The following KCNMA1 variants were observed in gnomAD, a reference collection of about 807,000 sequenced individuals.
KCNMA1 encodes the protein Calcium-activated potassium channel subunit alpha-1.
In KCNMA1, 29 loss-of-function variants were observed where a neutral mutation model predicts 140.0. The observed-to-expected ratio is 0.21, with a 90% CI of 0.15 to 0.28. The LOEUF (loss-of-function observed/expected upper bound fraction) is 0.28, where lower values mean the gene tolerates loss of function less well. KCNMA1 is among the 10% of genes least tolerant of loss of function. KCNMA1 has a pLI of 1.00. For missense variants in KCNMA1, 880 were observed against 1,602.2 expected (o/e 0.55, Z 7.70); for synonymous variants, 612 against 611.9 (o/e 1.00, Z 0.00).
At chr10:77,634,147 G>A in intron 1 of KCNMA1, 1 of 985,274 alleles carries the variant, frequency 1.0e-6, no homozygotes, top group South Asian at 4.7e-5. Context: ...CAGGCTACCA[G>A]AGCAGCTCCC....
chr10:77,456,120 G>T (rs557804975), intron 1 of KCNMA1, among the ~76,000 whole-genome samples: 2 of 152,274 alleles, frequency 1.3e-5, no homozygotes, highest in South Asian at 4.1e-4. Context: ...ATTCTCCCAG[G>T]GAAGCAAGAA....
At chr10:76,980,876 G>A (rs888384135) in intron 19 of KCNMA1, among the ~76,000 whole-genome samples, 46 of 152,262 alleles carry the variant, frequency 3.0e-4, no homozygotes, top group Admixed American at 7.9e-4. Flanking sequence ...AACCACACAG[G>A]TCTTAAAGCC....
At chr10:77,386,267 C>T (rs2095599938) in intron 2 of KCNMA1, among the ~76,000 whole-genome samples, 2 of 152,226 alleles carry the variant, frequency 1.3e-5, no homozygotes, top group East Asian at 1.9e-4. Flanking sequence ...TCCTGGCCAC[C>T]TCAAATGCAA....
intron 1 of KCNMA1, among the ~76,000 whole-genome samples, chr10:77,559,888 C>A (rs1488747040): frequency 6.6e-6 from 1 of 152,056 alleles, no homozygotes; most frequent in Non-Finnish European, 1.5e-5. Context: ...TTTAAAACTG[C>A]AGGTTATGGC....
intron 5 of KCNMA1, among the ~76,000 whole-genome samples, chr10:77,168,082 T>C (rs1160689151): frequency 6.6e-6 from 1 of 152,182 alleles, no homozygotes; most frequent in African/African-American, 2.4e-5. Flanking sequence ...GGTAGGGCTT[T>C]TAAACATTTC....
chr10:77,079,753 C>T, intron 12 of KCNMA1: 1 of 617,512 alleles, frequency 1.6e-6, no homozygotes, highest in African/African-American at 1.8e-5. Context: ...TTTCACTGGA[C>T]AAGCCCAGCA....
At chr10:76,991,464 C>A (rs1356216982) in intron 19 of KCNMA1, among the ~76,000 whole-genome samples, 1 of 152,150 alleles carries the variant, frequency 6.6e-6, no homozygotes, top group Non-Finnish European at 1.5e-5. Context: ...TTTCTTACTA[C>A]ATTTTTCCCT....
intron 21 of KCNMA1, among the ~76,000 whole-genome samples, chr10:76,950,636 T>C (rs920392076): frequency 2.6e-5 from 4 of 152,218 alleles, no homozygotes; most frequent in African/African-American, 9.6e-5. Context: ...TAATGTCCAC[T>C]GTACATATCA....
At chr10:77,262,588 G>A (rs2062319802) in intron 2 of KCNMA1, among the ~76,000 whole-genome samples, 2 of 152,068 alleles carry the variant, frequency 1.3e-5, no homozygotes, top group Admixed American at 6.6e-5. Context: ...TGGTCATGGG[G>A]GTGGATCCCT....
At chr10:77,196,799 C>T (rs2040636966) in intron 3 of KCNMA1, among the ~76,000 whole-genome samples, 1 of 152,150 alleles carries the variant, frequency 6.6e-6, no homozygotes, top group South Asian at 2.1e-4. Context: ...CTAGGATTAT[C>T]ACAGCTTGGA....
intron 14 of KCNMA1, among the ~76,000 whole-genome samples, chr10:77,065,424 A>G (rs1376041087): frequency 1.3e-5 from 2 of 152,218 alleles, no homozygotes; most frequent in Non-Finnish European, 2.9e-5. Context: ...GAAGTGGGAC[A>G]TCTACTCTCT....
At chr10:77,546,563 T>G (rs532277411) in intron 1 of KCNMA1, among the ~76,000 whole-genome samples, 2 of 152,290 alleles carry the variant, frequency 1.3e-5, no homozygotes, top group East Asian at 3.9e-4. Flanking sequence ...TCTGAAAAAT[T>G]TCACACAAGG....
rs2093893394 is a variant in KCNMA1, at chr10:77,637,561, T to G, written c.82A>C (p.Asn28His). ...GGGSSLRMSS[N>H]IHANHLSLDA... ...AGGCTGAGATGGTTCGCGTGGATATTGCTACTCATTCTAAGACTGCTGCCT... is the reference window on the plus strand; with the variant it reads ...AGGCTGAGATGGTTCGCGTGGATATGGCTACTCATTCTAAGACTGCTGCCT... The change falls in exon 1 of 28, where the codon AAT (asparagine) becomes CAT (histidine). Residue 28 changes from asparagine (N) to histidine (H), a missense_variant. Physicochemically the swap from Asn to His is moderately conservative, Grantham distance 68. Transcript: ENST00000286628. The G allele has an allele frequency of 1.3e-6, 2 of 1,542,450 alleles. No homozygotes were observed. The highest frequency in any genetic ancestry group is 1.7e-6 in the Non-Finnish European group (2 of 1,144,290).
At chr10:77,431,947 C>T (rs1331120066) in intron 1 of KCNMA1, among the ~76,000 whole-genome samples, 8 of 151,856 alleles carry the variant, frequency 5.3e-5, no homozygotes, top group African/African-American at 1.9e-4. Context: ...GAGCCAAGAT[C>T]GTGCCACTGC....
intron 1 of KCNMA1, among the ~76,000 whole-genome samples, chr10:77,425,245 G>A (rs770546450): frequency 1.6e-4 from 24 of 152,194 alleles, no homozygotes; most frequent in South Asian, 1.0e-3. Flanking sequence ...TAACATTGTA[G>A]TCACTCCAAA....
intron 5 of KCNMA1, among the ~76,000 whole-genome samples, chr10:77,169,865 G>A (rs146853585): frequency 7.9e-4 from 121 of 152,304 alleles, no homozygotes; most frequent in African/African-American, 2.8e-3. Context: ...CCACACTAGT[G>A]TTTGGCATTT....
At chr10:77,574,628 T>C (rs1459699549) in intron 1 of KCNMA1, among the ~76,000 whole-genome samples, 1 of 152,228 alleles carries the variant, frequency 6.6e-6, no homozygotes, top group Non-Finnish European at 1.5e-5. Flanking sequence ...CTAGGGCATT[T>C]ATCTAATCTC....
At chr10:77,449,612 T>C (rs2097589449) in intron 1 of KCNMA1, among the ~76,000 whole-genome samples, 1 of 151,514 alleles carries the variant, frequency 6.6e-6, no homozygotes, top group African/African-American at 2.4e-5. Context: ...TTTTATTTCA[T>C]TTCACTTTTT....
chr10:77,357,631 T>A (rs1407202549), intron 2 of KCNMA1, among the ~76,000 whole-genome samples: 1 of 152,242 alleles, frequency 6.6e-6, no homozygotes, highest in African/African-American at 2.4e-5. Context: ...GTGATTTATT[T>A]AAAAAATTAA....
Sources: allele counts gnomAD v4.1 joint callset (sites outside exome capture counted in the v4.1 genomes callset), GRCh38; gene constraint gnomAD v4.1.1; transcripts MANE v1.5; gene names NCBI Gene and HGNC (gene_info 2026-07-23, HGNC 2026-07-21).